The following MAP3K4 variants were observed in gnomAD, a reference collection of about 807,000 sequenced individuals.
MAP3K4 encodes the protein MAP three kinase 1.
A neutral mutation model predicts 185.6 loss-of-function variants in MAP3K4; 67 were observed. The observed-to-expected ratio is 0.36, with a 90% confidence interval of 0.30 to 0.44. MAP3K4 has a LOEUF of 0.44. Among genes scored for constraint, MAP3K4 ranks in the 20% least tolerant of loss-of-function variants. The pLI is 1.00. For missense variants in MAP3K4, 1,551 were observed against 1,995.1 expected, an observed-to-expected ratio of 0.78 and a Z score of 4.24; for synonymous variants, 702 against 710.4, an observed-to-expected ratio of 0.99 and a Z score of 0.19.
chr6:161,031,686 C>T (rs1341375697), intron 1 of MAP3K4, among the ~76,000 whole-genome samples: 5 of 152,130 alleles, frequency 3.3e-5, no homozygotes, highest in South Asian at 2.1e-4. Flanking sequence ...CAAAACAGAC[C>T]ATTTTATATT....
At chr6:161,032,728 A>C (rs1413877004) in intron 1 of MAP3K4, among the ~76,000 whole-genome samples, 1 of 152,244 alleles carries the variant, frequency 6.6e-6, no homozygotes, top group African/African-American at 2.4e-5. Flanking sequence ...AGAAATTTCA[A>C]GTTAATCTGT....
chr6:161,017,067 G>C lies in MAP3K4; in HGVS notation c.153-17192G>C, dbSNP rs1320985733. 6.6e-6 allele frequency among the ~76,000 whole-genome samples: 1 copy of C among 151,914 alleles called. No individual in the cohort carries two copies. The highest frequency in any genetic ancestry group is 1.5e-5 in the Non-Finnish European group (1 of 67,990). On this transcript the variant is annotated intron_variant, in intron 1 of 26. Transcript: ENST00000392142. The surrounding 1 kb of genome is among the most constrained non-coding windows in gnomAD (Gnocchi z 5.1). ...CTCGGGAGTATAATGCTTTACTAAA[G>C]GTCTTGTGTGCACTGAAAAAAGAAT...
At position 161,067,129 on chromosome 6, in the gene MAP3K4, A is replaced by G; in HGVS notation, c.1708-3479A>G. 4.7e-6 allele frequency: 1 copy of G among 212,240 alleles called. No homozygotes were observed. The highest frequency in any genetic ancestry group is 1.0e-5 in the Non-Finnish European group (1 of 100,066). 13.1% of individuals were successfully genotyped at this position (212,240 alleles called of 1,614,324 possible). On this transcript the variant is annotated intron_variant, in intron 3 of 26. Transcript: ENST00000392142. The surrounding 1 kb of genome is among the most constrained non-coding windows in gnomAD (Gnocchi z 6.3). ...GGTCAAGGATGTGTGCGCCTGTGAC[A>G]CAGCCTCAGGACGTCCTGACTATGT...
At chr6:161,031,044 T>A (rs117838779) in intron 1 of MAP3K4, among the ~76,000 whole-genome samples, 2 of 152,320 alleles carry the variant, frequency 1.3e-5, no homozygotes, top group Admixed American at 1.3e-4. Context: ...TTTTGTCTTA[T>A]TTTAATATTT....
At position 161,097,252 on chromosome 6, in the gene MAP3K4, G is replaced by C; in HGVS notation, c.3524+76G>C. On this transcript the variant is annotated intron_variant, in intron 16 of 26. Transcript: ENST00000392142. The surrounding 1 kb of genome is among the most constrained non-coding windows in gnomAD (Gnocchi z 4.9). ...CATGCTCATACTTTTGAAACTACTA[G>C]ATGCTTGCTCTGAGAGCTAAATACC... 1 of 1,236,206 alleles carries C rather than the reference G, an allele frequency of 8.1e-7. No individual in the cohort carries two copies. Among genetic ancestry groups the C allele is most frequent in the Non-Finnish European group, 1.2e-6 (1 of 843,966 alleles). The allele number at this position is 1,236,206 out of a possible 1,614,324, so 76.6% of individuals were successfully genotyped here. A position where few individuals can be genotyped will look rare whatever the true frequency, so the allele number is the denominator to read the frequency against.
At chr6:161,059,155 A>G (rs1217226095) in intron 3 of MAP3K4, among the ~76,000 whole-genome samples, 6 of 118,450 alleles carry the variant, frequency 5.1e-5, no homozygotes, top group African/African-American at 1.8e-4. Context: ...TTTTTTTTTA[A>G]GTCAGAGCCT....
chr6:161,015,270 A>G (rs1464535071), intron 1 of MAP3K4, among the ~76,000 whole-genome samples: 1 of 150,862 alleles, frequency 6.6e-6, no homozygotes, highest in Non-Finnish European at 1.5e-5. Context: ...GAACACATGG[A>G]CACATGGGGG....
At position 161,071,805 on chromosome 6, in the gene MAP3K4, G is replaced by A. The variant is rs966805959; in HGVS notation, c.1950+955G>A. 4.3e-4 allele frequency among the ~76,000 whole-genome samples: 65 copies of A among 152,096 alleles called. 1 individual carries two copies. Among genetic ancestry groups the A allele is most frequent in the South Asian group, 2.1e-4 (1 of 4,798 alleles). On this transcript the variant is annotated intron_variant, in intron 4 of 26. Transcript: ENST00000392142. This position sits in a 1 kb window ranked among gnomAD's most constrained non-coding sequence, Gnocchi z 4.6. ...CACCCTCTTGTTTCTGGTTATTGTC[G>A]TGCTGTCCACTTTGGCCTTGCTTTT...
At chr6:161,052,524 T>A (rs1053813337) in intron 3 of MAP3K4, among the ~76,000 whole-genome samples, 18 of 152,322 alleles carry the variant, frequency 1.2e-4, no homozygotes, top group African/African-American at 4.3e-4. Context: ...GAAGCCCCTG[T>A]TGTTTTAAAT....
chr6:161,025,099 G>T (rs1782581144), intron 1 of MAP3K4, among the ~76,000 whole-genome samples: 1 of 151,558 alleles, frequency 6.6e-6, no homozygotes, highest in South Asian at 2.1e-4. Flanking sequence ...CATTTGTTTT[G>T]TTGCTCAGAG....
intron 11 of MAP3K4, among the ~76,000 whole-genome samples, chr6:161,090,360 C>G (rs541775352): frequency 6.6e-6 from 1 of 152,118 alleles, no homozygotes; most frequent in Non-Finnish European, 1.5e-5. Flanking sequence ...AAGCTCGAGC[C>G]AGGGCAGGGC....
Position 161,048,780 on chromosome 6 carries a change from G to T in MAP3K4, c.508G>T (p.Val170Leu). The stretch of plus-strand genomic sequence containing the variant: ...ACAGTGCTCATTCATGTTAGACTCA[G>T]TGGGTGGATCTTTGCCAAAAAAATC... The part of the protein sequence containing the change: ...NVQCSFMLDS[V>L]GGSLPKKSIP... Residue 170 changes from valine (V) to leucine (L), a missense_variant, in exon 3 of 27, where the codon GTG becomes TTG. This residue lies in a region of MAP3K4 where 287 missense variants were observed against 268.8 expected (regional missense o/e 1.07). Transcript: ENST00000392142. The surrounding 1 kb of genome is among the most constrained non-coding windows in gnomAD (Gnocchi z 4.7). 2 of 1,614,138 alleles carry T rather than the reference G, an allele frequency of 1.2e-6. No homozygotes were observed. Among genetic ancestry groups the T allele is most frequent in the Non-Finnish European group, 1.7e-6 (2 of 1,180,018 alleles).
Position 161,087,862 on chromosome 6 carries a change from C to G in MAP3K4, c.2731C>G (p.Arg911Gly), listed in dbSNP as rs757360452. ...LLLTKHGDRA[R>G]DSEDSWGTWE... is the part of the protein sequence containing the mutation. ...TCTGACCAAGCACGGTGATCGAGCCCGTGATTCAGAGGACAGCTGGGGCAC... is the reference window on the plus strand; with the variant it reads ...TCTGACCAAGCACGGTGATCGAGCCGGTGATTCAGAGGACAGCTGGGGCAC... The change falls in exon 10 of 27, where the codon CGT (arginine) becomes GGT (glycine). Residue 911 changes from arginine to glycine, a missense_variant. By Grantham distance (125) the Arg-to-Gly change is moderately radical. Around this residue, in one of 16 missense-constraint regions of MAP3K4, gnomAD observed 261 missense variants for 306.5 expected, o/e 0.85. Transcript: ENST00000392142. This position sits in a 1 kb window ranked among gnomAD's most constrained non-coding sequence, Gnocchi z 4.9. 1.9e-6 allele frequency: 3 copies of G among 1,614,102 alleles called. No individual in the cohort carries two copies. In the South Asian group the frequency reaches 3.3e-5, roughly 18 times the overall value.
rs1001839354 is a variant in MAP3K4, at chr6:161,101,660, C to T, written c.3675-232C>T. 4.4e-5 allele frequency: 20 copies of T among 450,686 alleles called. No individual in the cohort carries two copies. Among genetic ancestry groups the T allele is most frequent in the South Asian group, 4.4e-4 (16 of 36,180 alleles). 27.9% of individuals were successfully genotyped at this position (450,686 alleles called of 1,614,324 possible). On this transcript the variant is annotated intron_variant, in intron 17 of 26. Coordinates refer to ENST00000392142, the MANE Select transcript of MAP3K4 (RefSeq NM_005922.4). This position sits in a 1 kb window ranked among gnomAD's most constrained non-coding sequence, Gnocchi z 5.1. ...CTCCAGAGGACGGTCTCCACAGCAG[C>T]GCTGTTCACTTAGGGGGCTGATTCT...
rs1337051521 is a variant in MAP3K4 at position 161,043,305 on chromosome 6, T to TA, written c.344-5310dup. On this transcript the variant is annotated intron_variant, in intron 2 of 26. Transcript: ENST00000392142. The surrounding 1 kb of genome is among the most constrained non-coding windows in gnomAD (Gnocchi z 4.3). ...GTGTCTCTTCTTTGCTGGCTTCAGA[T>TA]ATGCTCTTGCCTTCTTTACTTCCCT... 6.6e-6 allele frequency among the ~76,000 whole-genome samples: 1 copy of TA among 152,246 alleles called. No individual in the cohort carries two copies. Among genetic ancestry groups the TA allele is most frequent in the East Asian group, 1.9e-4 (1 of 5,196 alleles).
rs1246586171 is a variant in MAP3K4 at position 161,110,321 on chromosome 6, A to C, written c.4396+407A>C. Among the ~76,000 whole-genome samples the C allele has an allele frequency of 6.6e-6, 1 of 152,224 alleles. No homozygotes were observed. The highest frequency in any genetic ancestry group is 1.5e-5 in the Non-Finnish European group (1 of 68,042). On this transcript the variant is annotated intron_variant, in intron 23 of 26. Transcript: ENST00000392142. The surrounding 1 kb of genome is among the most constrained non-coding windows in gnomAD (Gnocchi z 4.8). ...TAAATCAGATCAGAAGTGCACATAT[A>C]AATTTGAGGCTACGTTTTTGAGACA...
intron 23 of MAP3K4, among the ~76,000 whole-genome samples, chr6:161,111,531 T>G (rs1031852931): frequency 1.3e-5 from 2 of 152,234 alleles, no homozygotes; most frequent in Non-Finnish European, 2.9e-5. Flanking sequence ...CAAGCACTTG[T>G]GTTTTGTATG....
At chr6:161,099,606 T>C (rs1165933135) in intron 17 of MAP3K4, among the ~76,000 whole-genome samples, 1 of 152,226 alleles carries the variant, frequency 6.6e-6, no homozygotes, top group African/African-American at 2.4e-5. Flanking sequence ...TCTTTATTCA[T>C]ACAGTACAGA....
rs188616337 is a variant in MAP3K4, at chr6:161,084,666, C to T, written c.2372+49C>T. On this transcript the variant is annotated intron_variant, in intron 7 of 26. Coordinates refer to ENST00000392142, the MANE Select transcript of MAP3K4 (RefSeq NM_005922.4). The surrounding 1 kb of genome is among the most constrained non-coding windows in gnomAD (Gnocchi z 4.6). ...CTTCCACTTCTTATCTCGTAGTTTC[C>T]TTCCTCATGGTGAGATCCTAGAAGG... 144 of 1,113,796 alleles carry T rather than the reference C, an allele frequency of 1.3e-4. No individual in the cohort carries two copies. The East Asian group carries it at 3.4e-3, about 26-fold the overall frequency. The allele number at this position is 1,113,796 out of a possible 1,614,324, so 69.0% of individuals were successfully genotyped here.
Sources: gnomAD v4.1 joint callset for allele counts (sites outside exome capture counted in the v4.1 genomes callset) on GRCh38, gnomAD v4.1.1 for gene constraint, gnomAD v4.1.1 regional missense constraint, Gnocchi (gnomAD v3.1) non-coding constraint, MANE v1.5 for transcripts, NCBI Gene and HGNC (gene_info 2026-07-23, HGNC 2026-07-21) for gene names.